Variants in PDXDC1 observed in about 807,000 individuals in gnomAD.
PDXDC1 encodes the protein pyridoxal-dependent decarboxylase domain-containing protein 1.
In PDXDC1, 42 loss-of-function variants were observed where a neutral mutation model predicts 100.1. The ratio of observed to expected loss-of-function variants is 0.42; its 90% CI spans 0.33 to 0.54. The LOEUF (loss-of-function observed/expected upper bound fraction) is 0.54. PDXDC1 is among the 20% of genes least tolerant of loss of function. PDXDC1 has a pLI of 0.10. For synonymous variants in PDXDC1, 260 were observed against 371.7 expected (o/e 0.70, Z 3.46); for missense variants, 636 against 979.2 (o/e 0.65, Z 4.68).
At chr16:15,111,428 C>A (rs2047055088) in intron 16 of PDXDC1, among the ~76,000 whole-genome samples, 1 of 137,848 alleles carries the variant, frequency 7.3e-6, no homozygotes, top group African/African-American at 2.6e-5. Context: ...TGCACTCCAA[C>A]CTGGGCAACA....
intron 16 of PDXDC1, among the ~76,000 whole-genome samples, chr16:15,076,036 G>T (rs1037326894): frequency 6.6e-6 from 1 of 152,018 alleles, no homozygotes; most frequent in African/African-American, 2.4e-5. Context: ...ACCAATCCAT[G>T]CCCCAGAATG....
intron 16 of PDXDC1, among the ~76,000 whole-genome samples, chr16:15,111,811 T>C (rs1174044170): frequency 6.8e-6 from 1 of 147,856 alleles, no homozygotes; most frequent in African/African-American, 2.5e-5. Flanking sequence ...AACTGAACTG[T>C]ACACTTCAAC....
At chr16:15,072,552 A>G (rs1411643869) in intron 16 of PDXDC1, among the ~76,000 whole-genome samples, 1 of 152,106 alleles carries the variant, frequency 6.6e-6, no homozygotes, top group Non-Finnish European at 1.5e-5. Context: ...CTGTAATCCC[A>G]ACGCTTTGCG....
chr16:14,977,796 T>C (rs1967035709), intron 1 of PDXDC1, among the ~76,000 whole-genome samples: 1 of 152,278 alleles, frequency 6.6e-6, no homozygotes, highest in Admixed American at 6.5e-5. Context: ...AATTCTACAT[T>C]GTTAATATAA....
At chr16:14,990,080 G>A in intron 1 of PDXDC1, 2 of 1,493,638 alleles carry the variant, frequency 1.3e-6, no homozygotes, top group Non-Finnish European at 1.8e-6. Flanking sequence ...GCAGTAGGAG[G>A]CCAAGCAGGC....
chr16:15,028,789 T>C, intron 14 of PDXDC1, 89 bp from the exon 15 acceptor site: 1 of 1,247,686 alleles, frequency 8.0e-7, no homozygotes, highest in Non-Finnish European at 1.1e-6. Context: ...GGGCTAATAT[T>C]GGGATGGGAA....
At chr16:15,124,972 C>G (rs1318010471) in intron 16 of PDXDC1, among the ~76,000 whole-genome samples, 1 of 150,766 alleles carries the variant, frequency 6.6e-6, no homozygotes, top group Non-Finnish European at 1.5e-5. Context: ...CATGCTGAAA[C>G]CCCGTCTCTA....
intron 16 of PDXDC1, among the ~76,000 whole-genome samples, chr16:15,096,929 A>C (rs1485334085): frequency 6.6e-6 from 1 of 152,024 alleles, no homozygotes; most frequent in East Asian, 1.9e-4. Flanking sequence ...TGGCCTCCCA[A>C]AGTGTGTCTC....
intron 16 of PDXDC1, chr16:15,137,268 C>T (rs1427756690): frequency 3.0e-5 from 24 of 796,772 alleles, no homozygotes; most frequent in Middle Eastern, 3.6e-4. Flanking sequence ...GCAGGGAAGA[C>T]GTGCTGGAGG....
At chr16:15,078,386 C>T (rs1282864212) in intron 16 of PDXDC1, among the ~76,000 whole-genome samples, 1 of 152,130 alleles carries the variant, frequency 6.6e-6, no homozygotes, top group African/African-American at 2.4e-5. Flanking sequence ...CACCACAACC[C>T]TGCACCAAGG....
chr16:15,137,653 C>T (rs557015161), intron 16 of PDXDC1: 13 of 1,307,238 alleles, frequency 9.9e-6, no homozygotes, highest in Admixed American at 5.9e-5. Context: ...GGCCCGGAGC[C>T]CCCCCCCAGA....
chr16:14,990,960 C>G (rs1194133337), intron 1 of PDXDC1, among the ~76,000 whole-genome samples: 2 of 152,280 alleles, frequency 1.3e-5, no homozygotes. Flanking sequence ...AAGCTGGTCT[C>G]GAACTCCTGG....
chr16:15,096,217 T>C (rs1163769493), intron 16 of PDXDC1, among the ~76,000 whole-genome samples: 1 of 152,120 alleles, frequency 6.6e-6, no homozygotes. Flanking sequence ...CAAGCGATTC[T>C]TGTGCCTCAG....
chr16:15,071,221 A>G lies in PDXDC1; in HGVS notation c.1399+41165A>G, dbSNP rs2045211664. ...TTACTTGGGTCCTGCAATTTTTTCCAGAGATGTTCCAAAAATGCCTCTGCG... is the reference window on the plus strand; with the variant it reads ...TTACTTGGGTCCTGCAATTTTTTCCGGAGATGTTCCAAAAATGCCTCTGCG... On this transcript the variant is annotated intron_variant, in intron 16 of 16. Coordinates refer to the PDXDC1 transcript ENST00000535621. The G allele has an allele frequency of 6.2e-7, 1 of 1,610,510 alleles. No homozygotes were observed. Among genetic ancestry groups the G allele is most frequent in the Non-Finnish European group, 8.5e-7 (1 of 1,179,302 alleles).
chr16:15,066,664 C>A (rs1192405557), intron 16 of PDXDC1, among the ~76,000 whole-genome samples: 2 of 148,564 alleles, frequency 1.3e-5, no homozygotes, highest in East Asian at 2.0e-4. Flanking sequence ...CAAAAACTAA[C>A]AGATGAAATC....
intron 16 of PDXDC1, among the ~76,000 whole-genome samples, chr16:15,096,764 C>A (rs1168618181): frequency 6.6e-6 from 1 of 152,232 alleles, no homozygotes; most frequent in East Asian, 1.9e-4. Context: ...CTCGTTGCAG[C>A]CTCGGGCTCC....
At chr16:14,996,410 TATATATG>T (rs1437349839) in intron 1 of PDXDC1, 2 of 412,312 alleles carry the variant, frequency 4.9e-6, no homozygotes, top group African/African-American at 4.1e-5. Context: ...AGCTATAACT[TATATATG>T]ATATTATATG....
downstream of PDXDC1, among the ~76,000 whole-genome samples, chr16:15,142,669 G>A (rs537247006): frequency 1.1e-3 from 166 of 152,268 alleles, 1 homozygote; most frequent in African/African-American, 3.9e-3. Flanking sequence ...ACTTTTCCAC[G>A]TCTGCATCTG....
intron 16 of PDXDC1, among the ~76,000 whole-genome samples, chr16:15,050,031 G>T (rs1182553677): frequency 3.3e-5 from 5 of 152,148 alleles, no homozygotes; most frequent in Non-Finnish European, 1.5e-5. Context: ...ATTTCCTGTT[G>T]CTGTTGTCCT....
Sources: gnomAD v4.1 joint callset for allele counts (sites outside exome capture counted in the v4.1 genomes callset) on GRCh38, gnomAD v4.1.1 for gene constraint, MANE v1.5 for transcripts, NCBI Gene and HGNC (gene_info 2026-07-23, HGNC 2026-07-21) for gene names.